Variants in LRP1B observed in about 807,000 individuals in gnomAD.
LRP1B encodes low-density lipoprotein receptor-related protein 1B.
LRP1B carries 217 observed loss-of-function variants against 556.6 expected under a neutral mutation model. The observed-to-expected ratio is 0.39, with a 90% CI of 0.35 to 0.44. The LOEUF is 0.44. Ranked by LOEUF, LRP1B falls within the 20% of genes least tolerant of loss-of-function variation. The pLI, the probability that LRP1B is intolerant of heterozygous loss-of-function variation, is 1.00. For missense variants in LRP1B, 5,053 were observed against 5,620.8 expected (o/e 0.90, Z 3.23); for synonymous variants, 2,047 against 1,865.8 (o/e 1.10, Z -2.50).
At chr2:141,103,908 C>CAAAATATTTG (rs1700533761) in intron 7 of LRP1B, among the ~76,000 whole-genome samples, 1 of 151,900 alleles carries the variant, frequency 6.6e-6, no homozygotes, top group Non-Finnish European at 1.5e-5. Flanking sequence ...TTTGTACCAA[C>CAAAATATTTG]CACATTTGGC....
At position 142,115,554 on chromosome 2, in the gene LRP1B, TTA is replaced by T. The variant is rs1491302061; in HGVS notation, c.82+15092_82+15093del. On this transcript the variant is annotated intron_variant, in intron 1 of 90. Coordinates refer to ENST00000389484, the MANE Select transcript of LRP1B (RefSeq NM_018557.3). ...ATATATTACATATGTAATATATATA[TTA>T]TATATGTAATATATATTATATATGT... is the stretch of plus-strand genomic sequence containing the variant. 4.0e-4 allele frequency among the ~76,000 whole-genome samples: 8 copies of T among 20,170 alleles called. No homozygotes were observed. The East Asian group carries it at 6.5e-3, about 16-fold the overall frequency. 13.2% of individuals were successfully genotyped at this position (20,170 alleles called of 152,430 possible). A position where few individuals can be genotyped will look rare whatever the true frequency, so the allele number is the denominator to read the frequency against.
Position 141,707,939 on chromosome 2 carries a change from T to C in LRP1B, c.205+102340A>G, listed in dbSNP as rs138755423. On this transcript the variant is annotated intron_variant, in intron 2 of 90. Transcript: ENST00000389484. ...TTAGAAACTGGAAATCTTCTAACGT[T>C]TGCCACAGATTCTTTTTACATTTAT... 6.6e-4 allele frequency among the ~76,000 whole-genome samples: 100 copies of C among 152,298 alleles called. 1 individual carries two copies. The highest frequency in any genetic ancestry group is 2.4e-3 in the African/African-American group (98 of 41,574).
At chr2:140,610,913 T>C (rs1683049956) in intron 41 of LRP1B, among the ~76,000 whole-genome samples, 2 of 152,262 alleles carry the variant, frequency 1.3e-5, no homozygotes, top group Non-Finnish European at 2.9e-5. Flanking sequence ...AATACAGAGA[T>C]AGTAATGGTA....
At chr2:141,788,486 G>T (rs1474759464) in intron 2 of LRP1B, among the ~76,000 whole-genome samples, 4 of 151,764 alleles carry the variant, frequency 2.6e-5, no homozygotes, top group Non-Finnish European at 5.9e-5. Flanking sequence ...CTCATTGAAT[G>T]GTTGCTCCTA....
intron 3 of LRP1B, among the ~76,000 whole-genome samples, chr2:141,326,276 A>C (rs547195465): frequency 3.7e-4 from 56 of 152,282 alleles, no homozygotes; most frequent in Middle Eastern, 3.4e-3. Context: ...AAGTATTTTC[A>C]GAATTTATCT....
At chr2:141,580,761 G>A (rs762210252) in intron 2 of LRP1B, among the ~76,000 whole-genome samples, 2 of 152,168 alleles carry the variant, frequency 1.3e-5, no homozygotes, top group African/African-American at 4.8e-5. Context: ...AAACACCTTC[G>A]AGTTTTGAAA....
At chr2:140,373,171 A>C (rs202078618) in intron 68 of LRP1B, 34 bp from the exon 69 acceptor site, 28 of 1,594,154 alleles carry the variant, frequency 1.8e-5, no homozygotes, top group Non-Finnish European at 2.4e-5. Flanking sequence ...ATCAAAATTA[A>C]AATTTTAGAA....
chr2:141,995,952 C>A (rs1702477413), intron 1 of LRP1B, among the ~76,000 whole-genome samples: 1 of 151,886 alleles, frequency 6.6e-6, no homozygotes, highest in Non-Finnish European at 1.5e-5. Flanking sequence ...GATCTTATAC[C>A]CATTAAGAAG....
chr2:142,017,568 T>C (rs1703188760), intron 1 of LRP1B, among the ~76,000 whole-genome samples: 2 of 152,060 alleles, frequency 1.3e-5, no homozygotes, highest in Admixed American at 6.5e-5. Flanking sequence ...TGTTGAATTA[T>C]AGAAAAATAT....
intron 41 of LRP1B, among the ~76,000 whole-genome samples, chr2:140,654,225 A>G (rs1684792843): frequency 6.6e-6 from 1 of 152,026 alleles, no homozygotes; most frequent in African/African-American, 2.4e-5. Context: ...GCTTTTCTGG[A>G]TTGTTACACT....
In LRP1B at chr2:141,504,600, G is replaced by C. The variant is rs1683853068; in HGVS notation, c.206-24067C>G. ...TGCAGAAACAACACATTACCAGATGGAAGATAGCAAGAAATCTACAATGTG... is the reference window on the plus strand; with the variant it reads ...TGCAGAAACAACACATTACCAGATGCAAGATAGCAAGAAATCTACAATGTG... On this transcript the variant is annotated intron_variant, in intron 2 of 90. Transcript: ENST00000389484. 2.6e-5 allele frequency among the ~76,000 whole-genome samples: 4 copies of C among 152,042 alleles called. No homozygotes were observed. The South Asian group carries it at 8.3e-4, about 32-fold the overall frequency.
In LRP1B at chr2:141,609,889, C is replaced by T. The variant is rs568196916; in HGVS notation, c.206-129356G>A. 7.9e-5 allele frequency among the ~76,000 whole-genome samples: 12 copies of T among 152,318 alleles called. No individual in the cohort carries two copies. The East Asian group carries it at 1.9e-3, about 25-fold the overall frequency. On this transcript the variant is annotated intron_variant, in intron 2 of 90. Transcript: ENST00000389484. ...GAGTATATGTTAAAAGTAATTCACACTCAATGATATGTTCAAATATAGCTA... is the reference window on the plus strand; with the variant it reads ...GAGTATATGTTAAAAGTAATTCACATTCAATGATATGTTCAAATATAGCTA...
At chr2:141,202,710 T>C (rs1682088064) in intron 6 of LRP1B, among the ~76,000 whole-genome samples, 1 of 150,816 alleles carries the variant, frequency 6.6e-6, no homozygotes, top group Non-Finnish European at 1.5e-5. Context: ...ACACGTTACA[T>C]CTTTTTTGAG....
rs762198251 is a variant in LRP1B, at chr2:140,370,859, G to A, written c.10876-17C>T. On this transcript the variant is annotated splice_polypyrimidine_tract_variant and intron_variant, in intron 70 of 90. Transcript: ENST00000389484. ...ACAGTCCATCTGTTCAAATACAAAT[G>A]GACACTGCAGTTTTCATTAATGATA... is the stretch of plus-strand genomic sequence containing the variant. 1.2e-6 allele frequency: 2 copies of A among 1,610,658 alleles called. No homozygotes were observed. Among genetic ancestry groups the A allele is most frequent in the African/African-American group, 1.3e-5 (1 of 74,724 alleles).
intron 82 of LRP1B, among the ~76,000 whole-genome samples, chr2:140,317,901 T>C (rs1684597269): frequency 6.7e-6 from 1 of 149,112 alleles, no homozygotes; most frequent in African/African-American, 2.6e-5. Flanking sequence ...AGTTACATTC[T>C]TGCAAAACTC....
At chr2:141,823,033 C>A (rs6739229) in intron 1 of LRP1B, among the ~76,000 whole-genome samples, 33,920 of 151,954 alleles carry the variant, frequency 0.22, 4,608 homozygotes, top group African/African-American at 0.37. Flanking sequence ...GCCTACCCAG[C>A]AGCAGTTTTC....
chr2:140,342,391 A>C (rs1363225643), intron 77 of LRP1B, among the ~76,000 whole-genome samples: 1 of 151,548 alleles, frequency 6.6e-6, no homozygotes, highest in Non-Finnish European at 1.5e-5. Context: ...CATTATTAGG[A>C]TCTCTATCAT....
At chr2:141,222,374 TGA>T (rs921485546) in intron 6 of LRP1B, among the ~76,000 whole-genome samples, 6 of 152,048 alleles carry the variant, frequency 3.9e-5, no homozygotes, top group African/African-American at 1.4e-4. Flanking sequence ...ATTCTGAAAC[TGA>T]GACACTAATA....
intron 84 of LRP1B, among the ~76,000 whole-genome samples, chr2:140,279,091 CTCTCTCTT>C (rs1212054161): frequency 5.3e-5 from 8 of 151,862 alleles, no homozygotes; most frequent in Admixed American, 1.3e-4. Flanking sequence ...CCTCTCCACT[CTCTCTCTT>C]TCTCTCTTTC....
Sources: allele counts gnomAD v4.1 joint callset (sites outside exome capture counted in the v4.1 genomes callset), GRCh38; gene constraint gnomAD v4.1.1; transcripts MANE v1.5; gene names NCBI Gene and HGNC (gene_info 2026-07-23, HGNC 2026-07-21).